ADRA1A: variants seen among roughly 807,000 people sequenced by gnomAD.
The protein encoded by ADRA1A is adrenoceptor alpha 1A, also known as alpha-1A adrenergic receptor.
Under a neutral mutation model 29.6 loss-of-function variants are expected in ADRA1A, and 31 were observed. The observed-to-expected ratio is 1.05, with a 90% CI of 0.79 to 1.41. ADRA1A has a LOEUF of 1.41. Among genes scored for constraint, ADRA1A ranks in the 40% most tolerant of loss-of-function variants. The pLI is 0.00. For synonymous variants in ADRA1A, 311 were observed against 254.3 expected (o/e 1.22, Z -2.12); for missense variants, 619 against 601.1 (o/e 1.03, Z -0.31).
chr8:26,811,627 C>T (rs934412733), intron 2 of ADRA1A, among the ~76,000 whole-genome samples: 2 of 152,168 alleles, frequency 1.3e-5, no homozygotes, highest in Admixed American at 6.5e-5. Context: ...TGAGATTTTG[C>T]GATCACTCTT....
intron 2 of ADRA1A, among the ~76,000 whole-genome samples, chr8:26,839,546 G>A (rs2130692617): frequency 6.6e-6 from 1 of 152,218 alleles, no homozygotes; most frequent in African/African-American, 2.4e-5. Context: ...CCTTTATTGG[G>A]CTTAATTACA....
rs1175944068 is a variant in ADRA1A, at chr8:26,866,957, A to C, written c.-708T>G. The C allele has an allele frequency of 2.0e-6, 2 of 985,120 alleles. No individual in the cohort carries two copies. Among genetic ancestry groups the C allele is most frequent in the Non-Finnish European group, 2.4e-6 (2 of 829,832 alleles). 61.0% of individuals were successfully genotyped at this position (985,120 alleles called of 1,614,324 possible). The stretch of plus-strand genomic sequence containing the variant: ...TCACCTGAAGCGCCGCTGCTGAGCC[A>C]CCAGCTCGCGCGCGGGGGATGTGGA... On this transcript the variant is annotated 5_prime_UTR_variant, in exon 1 of 3. Coordinates refer to ENST00000380573, the MANE Select transcript of ADRA1A (RefSeq NM_000680.4). The surrounding 1 kb of genome is among the most constrained non-coding windows in gnomAD (Gnocchi z 5.7).
chr8:26,821,443 G>A lies in ADRA1A; in HGVS notation c.883+42644C>T, dbSNP rs1017051444. 6.6e-5 allele frequency among the ~76,000 whole-genome samples: 10 copies of A among 152,050 alleles called. No individual in the cohort carries two copies. Among genetic ancestry groups the A allele is most frequent in the African/African-American group, 1.9e-4 (8 of 41,392 alleles). Reference sequence around the variant, plus strand: ...TCAGACTTTTAAACAAGCAGACCTCGAGTGAACTGAGAACTCACTTTTCAC... The same window carrying A: ...TCAGACTTTTAAACAAGCAGACCTCAAGTGAACTGAGAACTCACTTTTCAC... On this transcript the variant is annotated intron_variant, in intron 2 of 2. Coordinates refer to ENST00000380573, the MANE Select transcript of ADRA1A (RefSeq NM_000680.4). This position sits in a 1 kb window ranked among gnomAD's most constrained non-coding sequence, Gnocchi z 5.6.
exon 3 of ADRA1A, chr8:26,756,653 G>A: frequency 1.2e-6 from 2 of 1,603,780 alleles, no homozygotes; most frequent in Admixed American, 3.4e-5. Context: ...AGGCTCCTGG[G>A]CTCCTGGGGT....
chr8:26,861,101 C>T (rs1025808645), intron 2 of ADRA1A, among the ~76,000 whole-genome samples: 1 of 152,164 alleles, frequency 6.6e-6, no homozygotes, highest in Admixed American at 6.5e-5. Context: ...ACTGCCAAAT[C>T]TAGTGTTGGC....
chr8:26,755,093 T>A (rs1030552294), downstream of ADRA1A, among the ~76,000 whole-genome samples: 7 of 152,256 alleles, frequency 4.6e-5, no homozygotes, highest in African/African-American at 1.7e-4. Flanking sequence ...TGTATATGAT[T>A]TGCTTGTTAA....
At position 26,856,574 on chromosome 8, in the gene ADRA1A, C is replaced by G. The variant is rs566995747; in HGVS notation, c.883+7513G>C. Among the ~76,000 whole-genome samples the G allele has an allele frequency of 2.6e-5, 4 of 152,286 alleles. No individual in the cohort carries two copies. The South Asian group carries it at 8.3e-4, about 32-fold the overall frequency. On this transcript the variant is annotated intron_variant, in intron 2 of 2. Transcript: ENST00000380573. ...AAAGTCATTATGGACATTAAGCCAG[C>G]CCCACTAAAGTCTTCGCACGTTCTC...
intron 2 of ADRA1A, among the ~76,000 whole-genome samples, chr8:26,863,012 T>C (rs1813597091): frequency 1.3e-5 from 2 of 151,502 alleles, no homozygotes; most frequent in African/African-American, 4.8e-5. Context: ...GGAACATAAG[T>C]GGCACAAAAA....
chr8:26,773,549 G>A (rs563876088), intron 2 of ADRA1A, among the ~76,000 whole-genome samples: 1 of 152,214 alleles, frequency 6.6e-6, no homozygotes, highest in South Asian at 2.1e-4. Context: ...CCTTGTCTGG[G>A]AATGTCACTA....
chr8:26,809,412 A>T (rs1051356297), intron 2 of ADRA1A, among the ~76,000 whole-genome samples: 7 of 152,140 alleles, frequency 4.6e-5, no homozygotes, highest in African/African-American at 1.7e-4. Context: ...CAGTAGAGGA[A>T]ATGGAACCAG....
chr8:26,867,364 T>C (rs1055989739), upstream of ADRA1A: 13 of 985,140 alleles, frequency 1.3e-5, no homozygotes, highest in Non-Finnish European at 1.6e-5. Flanking sequence ...ACAGCTGTAA[T>C]GTTTTCCTCT....
chr8:26,794,521 T>C (rs114608798), intron 2 of ADRA1A, among the ~76,000 whole-genome samples: 3,139 of 152,228 alleles, frequency 0.021, 99 homozygotes, highest in African/African-American at 0.069. Flanking sequence ...AATGCAACCA[T>C]AGTCATTAGG....
chr8:26,755,145 C>T (rs1805098282), downstream of ADRA1A, among the ~76,000 whole-genome samples: 1 of 151,814 alleles, frequency 6.6e-6, no homozygotes, highest in South Asian at 2.1e-4. Flanking sequence ...TTAAGCACTT[C>T]CATTCTTGGG....
intron 2 of ADRA1A, among the ~76,000 whole-genome samples, chr8:26,843,283 C>T (rs1335837375): frequency 6.6e-6 from 1 of 152,202 alleles, no homozygotes; most frequent in African/African-American, 2.4e-5. Context: ...TCAGCAAGTG[C>T]AGGATAAGAA....
At chr8:26,783,187 T>A (rs1412635950) in intron 2 of ADRA1A, among the ~76,000 whole-genome samples, 3 of 152,198 alleles carry the variant, frequency 2.0e-5, no homozygotes, top group African/African-American at 7.2e-5. Flanking sequence ...GATTCTTTAC[T>A]GAATTAAAGA....
intron 2 of ADRA1A, among the ~76,000 whole-genome samples, chr8:26,786,613 T>C (rs1249594523): frequency 6.6e-6 from 1 of 151,964 alleles, no homozygotes; most frequent in Non-Finnish European, 1.5e-5. Flanking sequence ...CTCTTCTCCT[T>C]GCATGGAGTG....
At position 26,806,205 on chromosome 8, in the gene ADRA1A, A is replaced by C. The variant is rs189613029; in HGVS notation, c.884-35539T>G. Among the ~76,000 whole-genome samples the C allele has an allele frequency of 3.7e-3, 560 of 152,286 alleles. 3 individuals carry two copies. Among genetic ancestry groups the C allele is most frequent in the Middle Eastern group, 6.8e-3 (2 of 294 alleles). On this transcript the variant is annotated intron_variant, in intron 2 of 2. Transcript: ENST00000380573. This position sits in a 1 kb window ranked among gnomAD's most constrained non-coding sequence, Gnocchi z 4.6. ...ACTGCCCTGTTTTTAACTGGGTTGCAATTCATGCAGCCTCCTAACTGCAAA... is the reference window on the plus strand; with the variant it reads ...ACTGCCCTGTTTTTAACTGGGTTGCCATTCATGCAGCCTCCTAACTGCAAA...
intron 2 of ADRA1A, among the ~76,000 whole-genome samples, chr8:26,829,647 C>T (rs1209280628): frequency 6.6e-6 from 1 of 152,082 alleles, no homozygotes; most frequent in Non-Finnish European, 1.5e-5. Context: ...CAAAGAAATA[C>T]AGCTCCAAGT....
At chr8:26,811,216 G>A (rs563308837) in intron 2 of ADRA1A, among the ~76,000 whole-genome samples, 5 of 149,084 alleles carry the variant, frequency 3.4e-5, no homozygotes, top group East Asian at 2.0e-4. Flanking sequence ...TTGTTGAGAC[G>A]GAGTCTCGCT....
Sources: allele counts gnomAD v4.1 joint callset (sites outside exome capture counted in the v4.1 genomes callset), GRCh38; gene constraint gnomAD v4.1.1; non-coding constraint Gnocchi (gnomAD v3.1); transcripts MANE v1.5; gene names NCBI Gene and HGNC (gene_info 2026-07-23, HGNC 2026-07-21).